ARHGAP32: variants seen among roughly 807,000 people sequenced by gnomAD.
ARHGAP32 encodes rho GTPase-activating protein 32.
Under a neutral mutation model 186.5 loss-of-function variants are expected in ARHGAP32, and 51 were observed. The observed-to-expected ratio is 0.27, with a 90% CI of 0.22 to 0.35. The LOEUF is 0.35. Ranked by LOEUF, ARHGAP32 falls within the 10% of genes least tolerant of loss-of-function variation. The probability of loss-of-function intolerance (pLI) is 1.00; values close to 1 mark genes in which losing one functional copy is unlikely to be tolerated. For synonymous variants in ARHGAP32, 950 were observed against 964.3 expected (o/e 0.99, Z 0.27); for missense variants, 2,186 against 2,623.5 (o/e 0.83, Z 3.64).
chr11:128,983,282 T>C (rs1174720120), intron 15 of ARHGAP32, among the ~76,000 whole-genome samples: 2 of 152,196 alleles, frequency 1.3e-5, no homozygotes, highest in African/African-American at 4.8e-5. Flanking sequence ...ACAGTTAAAA[T>C]GGTAATTCTC....
At chr11:128,985,637 AAAAC>A (rs1299341732) in intron 15 of ARHGAP32, among the ~76,000 whole-genome samples, 3 of 152,056 alleles carry the variant, frequency 2.0e-5, no homozygotes, top group Admixed American at 2.0e-4. Flanking sequence ...AGAAGAAACT[AAAAC>A]AAACAAACAA....
chr11:128,973,840 A>C (rs1055106235), intron 21 of ARHGAP32: 9 of 525,238 alleles, frequency 1.7e-5, no homozygotes, highest in African/African-American at 5.8e-5. Context: ...AGAAAAACAG[A>C]ATCAAGAGCT....
chr11:129,193,682 A>T (rs12798659), upstream of ARHGAP32, among the ~76,000 whole-genome samples: 12,746 of 69,600 alleles, frequency 0.18, 1,267 homozygotes, highest in Non-Finnish European at 0.21. Flanking sequence ...ATAATATATA[A>T]TATATATTAT....
At chr11:129,226,166 A>G (rs183543351) in intron 1 of ARHGAP32, among the ~76,000 whole-genome samples, 1 of 152,330 alleles carries the variant, frequency 6.6e-6, no homozygotes, top group Admixed American at 6.5e-5. Flanking sequence ...GACACCATCA[A>G]GCACACTTGC....
intron 11 of ARHGAP32, among the ~76,000 whole-genome samples, chr11:129,001,432 T>C (rs1946355960): frequency 1.3e-5 from 2 of 152,352 alleles, no homozygotes; most frequent in South Asian, 4.1e-4. Context: ...GAAATGGCTA[T>C]TTGGATCTTT....
intron 12 of ARHGAP32, among the ~76,000 whole-genome samples, chr11:128,991,568 T>C (rs1946053017): frequency 6.6e-6 from 1 of 152,166 alleles, no homozygotes; most frequent in Admixed American, 6.5e-5. Flanking sequence ...GGCTATTTAC[T>C]AGCTACCCCC....
chr11:129,153,713 C>T (rs1458838835), intron 2 of ARHGAP32, among the ~76,000 whole-genome samples: 2 of 152,140 alleles, frequency 1.3e-5, no homozygotes, highest in Non-Finnish European at 2.9e-5. Context: ...ATCCTCATCT[C>T]TCACCATATA....
At chr11:129,278,041 C>T (rs1252283483) in intron 1 of ARHGAP32, among the ~76,000 whole-genome samples, 6 of 152,308 alleles carry the variant, frequency 3.9e-5, no homozygotes, top group African/African-American at 1.4e-4. Flanking sequence ...TAAGAGCCAC[C>T]GCACTCCAGC....
Position 128,968,664 on chromosome 11 carries a change from A to G in ARHGAP32, c.*243T>C. On this transcript the variant is annotated 3_prime_UTR_variant, in exon 23 of 23. Coordinates refer to ENST00000682385, the MANE Select transcript of ARHGAP32 (RefSeq NM_001378024.1). The stretch of plus-strand genomic sequence containing the variant: ...GAGACAGGTTTCTCTACTGGGTTTC[A>G]GCACGGGGCTTTACCATCCTTCAGA... 1 of 335,468 alleles carries G rather than the reference A, an allele frequency of 3.0e-6. No homozygotes were observed. The highest frequency in any genetic ancestry group is 4.8e-5 in the East Asian group (1 of 20,770). The allele number at this position is 335,468 out of a possible 1,614,324, so 20.8% of individuals were successfully genotyped here.
intron 1 of ARHGAP32, among the ~76,000 whole-genome samples, chr11:129,178,570 G>T (rs1943974598): frequency 6.6e-6 from 1 of 151,788 alleles, no homozygotes; most frequent in Non-Finnish European, 1.5e-5. Flanking sequence ...AACCAAAACA[G>T]CATGGTACTG....
At chr11:129,186,846 C>A (rs778398663) in intron 1 of ARHGAP32, among the ~76,000 whole-genome samples, 1 of 151,982 alleles carries the variant, frequency 6.6e-6, no homozygotes, top group Non-Finnish European at 1.5e-5. Flanking sequence ...TGGCTTATAT[C>A]CAAAAGAAAG....
At chr11:129,132,482 A>G in intron 2 of ARHGAP32, among the ~76,000 whole-genome samples, 1 of 152,060 alleles carries the variant, frequency 6.6e-6, no homozygotes. Flanking sequence ...GGGGGAGAAA[A>G]AAAAAAAAAA....
intron 2 of ARHGAP32, among the ~76,000 whole-genome samples, chr11:129,128,184 T>C (rs1169349426): frequency 2.0e-5 from 3 of 152,240 alleles, no homozygotes; most frequent in Admixed American, 2.0e-4. Flanking sequence ...CTTTCCTTCA[T>C]TAATCTTTCA....
intron 2 of ARHGAP32, among the ~76,000 whole-genome samples, chr11:129,142,387 C>T (rs376967604): frequency 1.3e-4 from 20 of 152,214 alleles, no homozygotes; most frequent in Non-Finnish European, 2.2e-4. Context: ...CTGAACAGTA[C>T]AGACATAATT....
intron 11 of ARHGAP32, among the ~76,000 whole-genome samples, chr11:129,029,757 G>A (rs1237315073): frequency 5.9e-5 from 7 of 118,746 alleles, no homozygotes; most frequent in African/African-American, 2.2e-4. Context: ...AGCCGAGATC[G>A]CACCACTGCA....
chr11:129,155,590 G>A (rs1055411726), intron 2 of ARHGAP32, among the ~76,000 whole-genome samples: 1 of 151,990 alleles, frequency 6.6e-6, no homozygotes, highest in Non-Finnish European at 1.5e-5. Context: ...TAACAAGATT[G>A]CAACCTAAGT....
At chr11:128,989,393 A>G (rs1017363668) in intron 12 of ARHGAP32, among the ~76,000 whole-genome samples, 5 of 152,104 alleles carry the variant, frequency 3.3e-5, no homozygotes, top group African/African-American at 4.8e-5. Flanking sequence ...TTTACAGAGA[A>G]GAAATTGTAT....
intron 6 of ARHGAP32, among the ~76,000 whole-genome samples, chr11:129,089,772 C>T (rs1214670309): frequency 6.6e-6 from 1 of 152,170 alleles, no homozygotes; most frequent in Non-Finnish European, 1.5e-5. Flanking sequence ...AGGATGCAAA[C>T]ATCAGCCCAA....
Position 128,978,659 on chromosome 11 carries a change from C to T in ARHGAP32, c.2122+111G>A, listed in dbSNP as rs751372244. 8.4e-5 allele frequency: 93 copies of T among 1,111,348 alleles called. No individual in the cohort carries two copies. In the Middle Eastern group the frequency reaches 1.4e-3, roughly 17 times the overall value. 68.8% of individuals were successfully genotyped at this position (1,111,348 alleles called of 1,614,324 possible). On this transcript the variant is annotated intron_variant, in intron 19 of 22. Transcript: ENST00000682385. ...GAGAAGACACTCTGTATGTGTGACA[C>T]AACTGTGAACACGTTATGGAAGCAG...
Sources: gnomAD v4.1 joint callset for allele counts (sites outside exome capture counted in the v4.1 genomes callset) on GRCh38, gnomAD v4.1.1 for gene constraint, MANE v1.5 for transcripts, NCBI Gene and HGNC (gene_info 2026-07-23, HGNC 2026-07-21) for gene names.